Variants in WDR20 observed in about 807,000 individuals in gnomAD.
WDR20 encodes the protein WD repeat-containing protein 20.
Under a neutral mutation model 38.7 loss-of-function variants are expected in WDR20, and 3 were observed. The observed-to-expected ratio is 0.08, with a 90% CI of 0.04 to 0.20. WDR20 has a LOEUF of 0.20. WDR20 is among the 10% of genes least tolerant of loss of function. The pLI is 1.00. For missense variants in WDR20, 559 were observed against 727.7 expected, an observed-to-expected ratio of 0.77 and a Z score of 2.67; for synonymous variants, 298 against 285.6, an observed-to-expected ratio of 1.04 and a Z score of -0.44.
Position 102,209,028 on chromosome 14 carries a change from G to C in WDR20, c.858G>C (p.Val286=). Residue 286 remains valine (V), a synonymous_variant, in exon 3 of 3, where the codon GTG becomes GTC. Transcript: ENST00000342702. This position sits in a 1 kb window ranked among gnomAD's most constrained non-coding sequence, Gnocchi z 6.0. ...YIVTGGEDDL[V]TVWSFVDCRV... Reference sequence around the variant, plus strand: ...TGACAGGTGGGGAGGACGACTTGGTGACAGTCTGGTCCTTTGTAGACTGCC... The same window carrying C: ...TGACAGGTGGGGAGGACGACTTGGTCACAGTCTGGTCCTTTGTAGACTGCC... The C allele has an allele frequency of 1.2e-6, 2 of 1,614,184 alleles. No homozygotes were observed. Among genetic ancestry groups the C allele is most frequent in the Non-Finnish European group, 1.7e-6 (2 of 1,180,032 alleles).
intron 2 of WDR20, among the ~76,000 whole-genome samples, chr14:102,196,364 GT>G (rs1204239316): frequency 1.1e-4 from 17 of 152,170 alleles, no homozygotes; most frequent in African/African-American, 3.9e-4. Context: ...TTACCTAGAT[GT>G]TTTTTTAGTA....
At chr14:102,213,746 C>T, downstream of WDR20, 1 of 985,360 alleles carries the variant, frequency 1.0e-6, no homozygotes, top group Non-Finnish European at 1.2e-6. Context: ...GCTGAAGTTG[C>T]CTGCATACAA....
At chr14:102,154,224 T>C (rs2056844248) in intron 1 of WDR20, among the ~76,000 whole-genome samples, 1 of 152,212 alleles carries the variant, frequency 6.6e-6, no homozygotes. Flanking sequence ...CTCAGACTAC[T>C]GTAACACAAT....
At chr14:102,203,483 G>A (rs761502710) in intron 2 of WDR20, among the ~76,000 whole-genome samples, 5 of 152,186 alleles carry the variant, frequency 3.3e-5, no homozygotes, top group South Asian at 2.1e-4. Flanking sequence ...GGTCCCAGCC[G>A]AAGCCCTTTA....
At chr14:102,147,787 A>G (rs950453545) in intron 1 of WDR20, among the ~76,000 whole-genome samples, 9 of 152,116 alleles carry the variant, frequency 5.9e-5, no homozygotes, top group Non-Finnish European at 1.0e-4. Flanking sequence ...CTGGAGTGCA[A>G]TGGCATGATC....
At chr14:102,205,488 T>G (rs2061370073) in intron 2 of WDR20, among the ~76,000 whole-genome samples, 1 of 152,124 alleles carries the variant, frequency 6.6e-6, no homozygotes, top group East Asian at 1.9e-4. Context: ...TTTATGTGAA[T>G]TAATAATGTA....
rs1319325931 is a variant in WDR20, at chr14:102,208,681, A to G, written c.511A>G (p.Ser171Gly). ...SESLFLVAHS[S>G]GNMYLYNVEH... ...AAGCCTTTTCCTAGTAGCCCACTCG[A>G]GTGGGAACATGTACTTATATAATGT... is the stretch of plus-strand genomic sequence containing the variant. Residue 171 changes from serine (S) to glycine (G), a missense_variant, in exon 3 of 3, where the codon AGT (serine) becomes GGT (glycine). Coordinates refer to ENST00000342702, the MANE Select transcript of WDR20 (RefSeq NM_144574.4). The surrounding 1 kb of genome is among the most constrained non-coding windows in gnomAD (Gnocchi z 5.6). 4 of 1,614,098 alleles carry G rather than the reference A, an allele frequency of 2.5e-6. No individual in the cohort carries two copies. The highest frequency in any genetic ancestry group is 3.4e-6 in the Non-Finnish European group (4 of 1,179,966).
At chr14:102,214,662 A>G (rs564315190), downstream of WDR20, 39 of 984,080 alleles carry the variant, frequency 4.0e-5, no homozygotes, top group Non-Finnish European at 4.6e-5. Context: ...AATTGTATGG[A>G]TATTTTGAGT....
chr14:102,212,957 A>G, downstream of WDR20: 1 of 1,015,734 alleles, frequency 9.8e-7, no homozygotes, highest in Non-Finnish European at 1.2e-6. Flanking sequence ...GTACCAAACC[A>G]CAGAGATGAA....
chr14:102,214,424 A>C, downstream of WDR20: 1 of 985,424 alleles, frequency 1.0e-6, no homozygotes. Flanking sequence ...TGCAACTGTT[A>C]CCTTTGAAAC....
At chr14:102,178,569 A>T (rs1429169201) in intron 1 of WDR20, among the ~76,000 whole-genome samples, 3 of 151,908 alleles carry the variant, frequency 2.0e-5, no homozygotes, top group Non-Finnish European at 4.4e-5. Flanking sequence ...GGCAATGAAG[A>T]TTCTGGGCCC....
intron 1 of WDR20, among the ~76,000 whole-genome samples, chr14:102,142,701 C>A (rs909995097): frequency 1.3e-5 from 2 of 151,856 alleles, no homozygotes; most frequent in Admixed American, 1.3e-4. Flanking sequence ...AGCGATCCTC[C>A]CACCTCAGCC....
intron 1 of WDR20, among the ~76,000 whole-genome samples, chr14:102,147,224 A>C (rs1021384644): frequency 6.6e-6 from 1 of 152,254 alleles, no homozygotes; most frequent in African/African-American, 2.4e-5. Flanking sequence ...GGGAAACCAC[A>C]TCTCTACTAA....
At chr14:102,139,789 T>C (rs1275351899), upstream of WDR20, 28 of 1,367,836 alleles carry the variant, frequency 2.0e-5, no homozygotes, top group South Asian at 1.1e-4. Context: ...TGGCCCGCCC[T>C]CGCAGGGCTG....
At chr14:102,212,410 T>C, downstream of WDR20, 1 of 1,177,362 alleles carries the variant, frequency 8.5e-7, no homozygotes, top group Admixed American at 2.1e-5. Flanking sequence ...GGGGCTGCCT[T>C]TGACTGCATG....
At chr14:102,213,875 C>T (rs990592213), downstream of WDR20, 27 of 985,386 alleles carry the variant, frequency 2.7e-5, no homozygotes, top group Admixed American at 3.1e-4. Context: ...TCCACGGAAA[C>T]CCAAGCGCCA....
intron 1 of WDR20, among the ~76,000 whole-genome samples, chr14:102,188,460 C>G (rs1365636897): frequency 6.6e-6 from 1 of 152,184 alleles, no homozygotes; most frequent in Non-Finnish European, 1.5e-5. Context: ...AACTGGAGGG[C>G]TTCTTTTGCA....
chr14:102,198,364 C>T, intron 2 of WDR20: 1 of 264,530 alleles, frequency 3.8e-6, no homozygotes, highest in African/African-American at 2.3e-5. Flanking sequence ...GTGATCCACC[C>T]ACCTCAGCTT....
rs1404663390 is a variant in WDR20, at chr14:102,207,098, CT to C, written c.433-1503del. Among the ~76,000 whole-genome samples the C allele has an allele frequency of 6.6e-6, 1 of 152,242 alleles. No homozygotes were observed. The highest frequency in any genetic ancestry group is 1.5e-5 in the Non-Finnish European group (1 of 68,052). ...ATACTGGCTGTGTCCCCAAGGCTGG[CT>C]TGCCACGTGCCTATTAATTTAAGAG... On this transcript the variant is annotated intron_variant, in intron 2 of 2. Transcript: ENST00000342702. The surrounding 1 kb of genome is among the most constrained non-coding windows in gnomAD (Gnocchi z 5.0).
Sources: gnomAD v4.1 joint callset for allele counts (sites outside exome capture counted in the v4.1 genomes callset) on GRCh38, gnomAD v4.1.1 for gene constraint, Gnocchi (gnomAD v3.1) non-coding constraint, MANE v1.5 for transcripts, NCBI Gene and HGNC (gene_info 2026-07-23, HGNC 2026-07-21) for gene names.